The following HLCS variants were observed in gnomAD, a reference collection of about 807,000 sequenced individuals.
The protein encoded by HLCS is holocarboxylase synthetase.
A neutral mutation model predicts 75.0 loss-of-function variants in HLCS; 53 were observed. The ratio of observed to expected loss-of-function variants is 0.71; its 90% CI spans 0.57 to 0.89. The LOEUF (loss-of-function observed/expected upper bound fraction) is 0.89. HLCS is among the 40% of genes least tolerant of loss of function. The pLI is 0.00. For synonymous variants in HLCS, 431 were observed against 428.6 expected (o/e 1.01, Z -0.07); for missense variants, 966 against 1,074.0 (o/e 0.90, Z 1.41).
chr21:36,974,425 T>C (rs1273701106), intron 1 of HLCS: 1 of 152,232 alleles, frequency 6.6e-6, no homozygotes, highest in Non-Finnish European at 1.5e-5. Flanking sequence ...CTGAAACTCC[T>C]CCCTTGGGTT....
intron 5 of HLCS, among the ~76,000 whole-genome samples, chr21:36,916,135 ACCACC>A (rs2065916565): frequency 6.6e-6 from 1 of 151,720 alleles, no homozygotes; most frequent in East Asian, 1.9e-4. Flanking sequence ...ACTTATACAA[ACCACC>A]TAAAAAAAAT....
At chr21:36,889,897 C>A (rs2064702218) in intron 6 of HLCS, among the ~76,000 whole-genome samples, 1 of 152,206 alleles carries the variant, frequency 6.6e-6, no homozygotes, top group Non-Finnish European at 1.5e-5. Flanking sequence ...ATGCCCTGTG[C>A]CCCCACACAA....
chr21:36,919,578 C>T (rs1258327219), intron 5 of HLCS, among the ~76,000 whole-genome samples: 2 of 152,140 alleles, frequency 1.3e-5, no homozygotes, highest in Non-Finnish European at 1.5e-5. Flanking sequence ...AGAGGACATA[C>T]GTGAGATGCT....
chr21:36,937,122 T>A lies in HLCS; in HGVS notation c.764A>T (p.Glu255Val). The A allele has an allele frequency of 6.2e-7, 1 of 1,614,116 alleles. No homozygotes were observed. The highest frequency in any genetic ancestry group is 1.1e-5 in the South Asian group (1 of 91,066). The change falls in exon 4 of 11, where the codon GAG becomes GTG. Residue 255 changes from glutamate (E) to valine (V), a missense_variant. Glu to Val is a moderately radical substitution (Grantham distance 121). Coordinates refer to ENST00000674895, the MANE Select transcript of HLCS (RefSeq NM_001352514.2). ...HYHLHLSSCH[E>V]CLELENSTIE... ...GGTGCTGTTCTCAAGTTCCAGACAC[T>A]CGTGGCAACTAGACAGATGGAGGTG...
intron 6 of HLCS, among the ~76,000 whole-genome samples, chr21:36,883,843 C>T (rs533852175): frequency 3.3e-5 from 5 of 152,234 alleles, no homozygotes; most frequent in Non-Finnish European, 7.4e-5. Context: ...GGCTGAACAA[C>T]GGATGAACAA....
intron 8 of HLCS, among the ~76,000 whole-genome samples, chr21:36,763,856 T>C (rs979099252): frequency 2.6e-5 from 4 of 152,158 alleles, no homozygotes; most frequent in South Asian, 2.1e-4. Flanking sequence ...CAACAAAACA[T>C]CCAACAGTAA....
At chr21:36,843,206 A>G (rs780097938) in intron 6 of HLCS, among the ~76,000 whole-genome samples, 5 of 152,372 alleles carry the variant, frequency 3.3e-5, no homozygotes, top group Middle Eastern at 3.4e-3. Context: ...TGGAAGGCCA[A>G]TGTAGGAGGA....
chr21:36,940,405 G>A (rs1323518043), intron 2 of HLCS, among the ~76,000 whole-genome samples: 1 of 152,090 alleles, frequency 6.6e-6, no homozygotes, highest in Non-Finnish European at 1.5e-5. Context: ...TTGAACTCCT[G>A]GCCTTGAGTA....
chr21:36,784,615 C>T (rs187793768), intron 6 of HLCS, among the ~76,000 whole-genome samples: 85 of 152,222 alleles, frequency 5.6e-4, no homozygotes, highest in East Asian at 5.8e-4. Context: ...CATGCCCGGC[C>T]GGCCAGCCTC....
rs114337029 is a variant in HLCS, at chr21:36,821,647, G to A, written c.1893-54362C>T. 6.1e-3 allele frequency among the ~76,000 whole-genome samples: 927 copies of A among 152,266 alleles called. 13 individuals are homozygous for A. The highest frequency in any genetic ancestry group is 0.021 in the African/African-American group (888 of 41,536). On this transcript the variant is annotated intron_variant, in intron 6 of 10. Coordinates refer to ENST00000674895, the MANE Select transcript of HLCS (RefSeq NM_001352514.2). ...CAACCCAAATGTTCACATCGTTACCGCTTAGGAATCTCAGTTATGTCTATA... is the reference window on the plus strand; with the variant it reads ...CAACCCAAATGTTCACATCGTTACCACTTAGGAATCTCAGTTATGTCTATA...
At position 36,959,328 on chromosome 21, in the gene HLCS, A is replaced by G. The variant is rs1268590539; in HGVS notation, c.330+2708T>C. On this transcript the variant is annotated intron_variant, in intron 2 of 10. Transcript: ENST00000674895. ...CCCCCTGCCACCTCAGCCCCCCTCT[A>G]GACTTTAGGAGCCACTCTGGACCAC... Among the ~76,000 whole-genome samples, 7 of 152,228 alleles carry G rather than the reference A, an allele frequency of 4.6e-5. No homozygotes were observed. In the South Asian group the frequency reaches 1.4e-3, roughly 32 times the overall value.
intron 6 of HLCS, among the ~76,000 whole-genome samples, chr21:36,874,363 C>G (rs996500599): frequency 6.6e-6 from 1 of 150,580 alleles, no homozygotes; most frequent in Non-Finnish European, 1.5e-5. Flanking sequence ...GATCGCGCCA[C>G]TGCACTCCAG....
intron 4 of HLCS, among the ~76,000 whole-genome samples, chr21:36,934,896 A>G (rs1237306349): frequency 6.6e-6 from 1 of 152,238 alleles, no homozygotes; most frequent in African/African-American, 2.4e-5. Context: ...GAAGTCATTT[A>G]AAATCAAAAA....
At chr21:36,947,327 C>A (rs1468292873) in intron 2 of HLCS, 1 of 985,092 alleles carries the variant, frequency 1.0e-6, no homozygotes, top group Non-Finnish European at 1.2e-6. Context: ...CCAACTGTTT[C>A]CTCACCTAAG....
intron 6 of HLCS, among the ~76,000 whole-genome samples, chr21:36,779,330 T>G (rs2060458803): frequency 6.6e-6 from 1 of 151,716 alleles, no homozygotes; most frequent in African/African-American, 2.4e-5. Flanking sequence ...CTTCTTTCTT[T>G]CTTCCTTCCT....
chr21:36,966,581 CA>C lies in HLCS; in HGVS notation c.57del (p.Glu20SerfsTer33). 1 of 996,000 alleles carries C rather than the reference CA, an allele frequency of 1.0e-6. No homozygotes were observed. The highest frequency in any genetic ancestry group is 1.2e-6 in the Non-Finnish European group (1 of 838,718). 61.7% of individuals were successfully genotyped at this position (996,000 alleles called of 1,614,324 possible). Reference protein sequence around the residue: ...YLWARWGRRPAELVRATVRRL... With the variant: ...YLWARWGRRPXELVRATVRRL... ...CGCCGCACCGTGGCGCGCACGAGCT[CA>C]GCCGGCCGGCGACCCCAGCGCGCCC... On this transcript the variant is annotated frameshift_variant, in exon 1 of 11. Transcript: ENST00000674895. LOFTEE classifies it high-confidence loss of function.
intron 6 of HLCS, among the ~76,000 whole-genome samples, chr21:36,866,148 C>A (rs11701245): frequency 1 from 152,312 of 152,312 alleles, 76,156 homozygotes; most frequent in Non-Finnish European, 1. Context: ...CAATCTGGAC[C>A]AAATTAGTTG....
At chr21:36,862,768 C>G (rs2063423560) in intron 6 of HLCS, among the ~76,000 whole-genome samples, 1 of 152,038 alleles carries the variant, frequency 6.6e-6, no homozygotes, top group Admixed American at 6.6e-5. Flanking sequence ...CTTATAGAGC[C>G]TACATCACAT....
intron 5 of HLCS, among the ~76,000 whole-genome samples, chr21:36,907,317 C>G (rs2065502423): frequency 6.6e-6 from 1 of 152,060 alleles, no homozygotes; most frequent in Non-Finnish European, 1.5e-5. Context: ...AAGTGATAAG[C>G]TGGACTTTAT....
Sources: gnomAD v4.1 joint callset for allele counts (sites outside exome capture counted in the v4.1 genomes callset) on GRCh38, gnomAD v4.1.1 for gene constraint, MANE v1.5 for transcripts, NCBI Gene and HGNC (gene_info 2026-07-23, HGNC 2026-07-21) for gene names.